Variants in RAP1A observed in about 807,000 individuals in gnomAD.
The protein encoded by RAP1A is RAP1A, member of RAS oncogene family, also known as ras-related protein Rap-1A.
Under a neutral mutation model 26.4 loss-of-function variants are expected in RAP1A, and 6 were observed. The observed-to-expected ratio is 0.23, with a 90% CI of 0.12 to 0.45. RAP1A has a LOEUF of 0.45. Among genes scored for constraint, RAP1A ranks in the 20% least tolerant of loss-of-function variants. The pLI is 0.99. For synonymous variants in RAP1A, 73 were observed against 79.4 expected, an observed-to-expected ratio of 0.92 and a Z score of 0.43; for missense variants, 121 against 217.2, an observed-to-expected ratio of 0.56 and a Z score of 2.78.
intron 1 of RAP1A, among the ~76,000 whole-genome samples, chr1:111,550,000 G>A (rs1385705581): frequency 1.3e-5 from 2 of 152,050 alleles, no homozygotes; most frequent in Admixed American, 1.3e-4. Flanking sequence ...GATTCAATTT[G>A]TTTACTTTTT....
chr1:111,643,774 A>G (rs1259343872), intron 1 of RAP1A, among the ~76,000 whole-genome samples: 1 of 152,204 alleles, frequency 6.6e-6, no homozygotes, highest in Admixed American at 6.5e-5. Context: ...CTGGGCAGAT[A>G]CCTACAGAAC....
At chr1:111,681,205 G>T (rs973716150) in intron 1 of RAP1A, among the ~76,000 whole-genome samples, 1 of 152,176 alleles carries the variant, frequency 6.6e-6, no homozygotes, top group Non-Finnish European at 1.5e-5. Context: ...CCAAGATTGT[G>T]TCATTGCACT....
At chr1:111,659,961 A>G (rs909463532) in intron 1 of RAP1A, among the ~76,000 whole-genome samples, 1 of 152,208 alleles carries the variant, frequency 6.6e-6, no homozygotes, top group Non-Finnish European at 1.5e-5. Context: ...TAGTCACCTA[A>G]TACCTTGTTG....
rs1366545398 is a variant in RAP1A, at chr1:111,614,720, G to A, written c.-28+72211G>A. Among the ~76,000 whole-genome samples the A allele has an allele frequency of 2.6e-5, 4 of 152,218 alleles. No individual in the cohort carries two copies. In the East Asian group the frequency reaches 7.7e-4, roughly 29 times the overall value. ...GCTAGTGATGTTACTGTTAGAGTTAGACAGGGGTATGGATGCTCTACAGAT... is the reference window on the plus strand; with the variant it reads ...GCTAGTGATGTTACTGTTAGAGTTAAACAGGGGTATGGATGCTCTACAGAT... On this transcript the variant is annotated intron_variant, in intron 1 of 7. Coordinates refer to the RAP1A transcript ENST00000356415.
intron 1 of RAP1A, among the ~76,000 whole-genome samples, chr1:111,691,085 G>T: frequency 6.6e-6 from 1 of 152,164 alleles, no homozygotes; most frequent in Admixed American, 6.5e-5. Flanking sequence ...TCTAATCAAA[G>T]ATTTTTAGAA....
chr1:111,570,058 A>C (rs888746678), intron 1 of RAP1A, among the ~76,000 whole-genome samples: 2 of 152,170 alleles, frequency 1.3e-5, no homozygotes, highest in Non-Finnish European at 2.9e-5. Flanking sequence ...TTAATGTCCC[A>C]GGGGACAGGC....
intron 1 of RAP1A, among the ~76,000 whole-genome samples, chr1:111,577,315 T>A (rs1193941546): frequency 7.6e-6 from 1 of 131,918 alleles, no homozygotes; most frequent in African/African-American, 2.9e-5. Context: ...GGCAGGAGAA[T>A]CCCTTGAACC....
At chr1:111,612,696 T>C (rs747060229) in intron 1 of RAP1A, among the ~76,000 whole-genome samples, 11 of 152,242 alleles carry the variant, frequency 7.2e-5, no homozygotes, top group Non-Finnish European at 1.3e-4. Context: ...TTATCATCTT[T>C]TAACAATGTG....
At chr1:111,672,937 A>G (rs1661019035) in intron 1 of RAP1A, among the ~76,000 whole-genome samples, 1 of 151,998 alleles carries the variant, frequency 6.6e-6, no homozygotes, top group African/African-American at 2.4e-5. Context: ...TTACCTCTGG[A>G]AATGTTATTC....
chr1:111,620,791 G>T (rs1292318329), intron 1 of RAP1A, among the ~76,000 whole-genome samples: 1 of 152,176 alleles, frequency 6.6e-6, no homozygotes, highest in Non-Finnish European at 1.5e-5. Flanking sequence ...CTTGGTAAGA[G>T]TATCTCTTGC....
At chr1:111,582,462 T>A (rs931197994) in intron 1 of RAP1A, among the ~76,000 whole-genome samples, 3 of 152,224 alleles carry the variant, frequency 2.0e-5, no homozygotes, top group African/African-American at 7.2e-5. Flanking sequence ...CACAGAGGTG[T>A]CTAAATATTG....
At chr1:111,691,236 G>GA in intron 1 of RAP1A, 98 bp from the exon 2 acceptor site, 1 of 763,298 alleles carries the variant, frequency 1.3e-6, no homozygotes, top group Non-Finnish European at 2.0e-6. Context: ...GTCTTACAAG[G>GA]AAAAAAACAA....
At chr1:111,688,322 T>TG (rs1661558428) in intron 1 of RAP1A, among the ~76,000 whole-genome samples, 1 of 111,810 alleles carries the variant, frequency 8.9e-6, no homozygotes, top group African/African-American at 3.7e-5. Flanking sequence ...TTTCTTTCTT[T>TG]CTTTTTTTTT....
intron 1 of RAP1A, among the ~76,000 whole-genome samples, chr1:111,664,565 T>TC (rs1010280240): frequency 1.3e-5 from 2 of 152,092 alleles, no homozygotes; most frequent in African/African-American, 4.8e-5. Flanking sequence ...TAACATTCTG[T>TC]CTACCTACAC....
chr1:111,587,883 A>G (rs2101064674), intron 1 of RAP1A, among the ~76,000 whole-genome samples: 1 of 152,250 alleles, frequency 6.6e-6, no homozygotes, highest in African/African-American at 2.4e-5. Flanking sequence ...TTATTGTGAT[A>G]CTGTTCTCTC....
chr1:111,649,104 A>G (rs191160949), intron 1 of RAP1A: 77 of 598,526 alleles, frequency 1.3e-4, no homozygotes, highest in Non-Finnish European at 1.7e-4. Context: ...ATCAGTAGCA[A>G]GATGGGCATT....
chr1:111,712,838 T>G lies in RAP1A; in HGVS notation c.*437T>G, dbSNP rs1662426941. 6.6e-6 allele frequency: 1 copy of G among 152,486 alleles called. No individual in the cohort carries two copies. Among genetic ancestry groups the G allele is most frequent in the South Asian group, 2.1e-4 (1 of 4,834 alleles). The allele number at this position is 152,486 out of a possible 1,614,324, so 9.4% of individuals were successfully genotyped here. A position where few individuals can be genotyped will look rare whatever the true frequency, so the allele number is the denominator to read the frequency against. ...ATGATACTGATTATGAAATGTCCCC[T>G]CAAACTCATTGCAGCAGATAACTTT... On this transcript the variant is annotated 3_prime_UTR_variant, in exon 8 of 8. Transcript: ENST00000369709.
intron 1 of RAP1A, among the ~76,000 whole-genome samples, chr1:111,609,355 T>A (rs148525066): frequency 7.6e-4 from 116 of 152,340 alleles, no homozygotes; most frequent in East Asian, 3.9e-3. Flanking sequence ...TTATTTTTTT[T>A]AATCAAAAGC....
At chr1:111,634,889 C>T (rs959609857) in intron 1 of RAP1A, among the ~76,000 whole-genome samples, 66 of 152,200 alleles carry the variant, frequency 4.3e-4, no homozygotes, top group African/African-American at 1.5e-3. Context: ...ATGATCTACC[C>T]GCCTCGGCCT....
Sources: allele counts gnomAD v4.1 joint callset (sites outside exome capture counted in the v4.1 genomes callset), GRCh38; gene constraint gnomAD v4.1.1; transcripts MANE v1.5; gene names NCBI Gene and HGNC (gene_info 2026-07-23, HGNC 2026-07-21).